The following PEX14 variants were observed in gnomAD, a reference collection of about 807,000 sequenced individuals.
The protein encoded by PEX14 is peroxisomal biogenesis factor 14.
A neutral mutation model predicts 49.5 loss-of-function variants in PEX14; 15 were observed. That is an observed-to-expected ratio of 0.30 (90% confidence interval 0.20 to 0.47). The LOEUF (loss-of-function observed/expected upper bound fraction) is 0.47, where lower values mean the gene tolerates loss of function less well. Ranked by LOEUF, PEX14 falls within the 20% of genes least tolerant of loss-of-function variation. PEX14 has a pLI of 1.00. For synonymous variants in PEX14, 210 were observed against 212.7 expected (o/e 0.99, Z 0.11); for missense variants, 398 against 494.8 (o/e 0.80, Z 1.86).
At chr1:10,611,219 C>T (rs561860789) in intron 4 of PEX14, among the ~76,000 whole-genome samples, 5 of 152,008 alleles carry the variant, frequency 3.3e-5, no homozygotes, top group East Asian at 1.9e-4. Context: ...GCTGAGATTG[C>T]GCCACTGCAC....
At position 10,514,156 on chromosome 1, in the gene PEX14, CTGTGTGTGTGTG is replaced by C. The variant is rs56306413; in HGVS notation, c.84+18867_84+18878del. ...AAAATGTATAAAATAATCTATGCCT[CTGTGTGTGTGTG>C]TGTGTGTGTGTGTGTGTGTGTGTGT... On this transcript the variant is annotated intron_variant, in intron 2 of 8. Transcript: ENST00000356607. The surrounding 1 kb of genome is among the most constrained non-coding windows in gnomAD (Gnocchi z 4.4). Among the ~76,000 whole-genome samples the C allele has an allele frequency of 6.1e-4, 88 of 143,262 alleles. No individual in the cohort carries two copies. Among genetic ancestry groups the C allele is most frequent in the South Asian group, 2.3e-3 (10 of 4,286 alleles). 94.0% of individuals were successfully genotyped at this position (143,262 alleles called of 152,430 possible). A position where few individuals can be genotyped will look rare whatever the true frequency, so the allele number is the denominator to read the frequency against.
chr1:10,558,167 A>T (rs1381618230), intron 3 of PEX14, among the ~76,000 whole-genome samples: 1 of 152,076 alleles, frequency 6.6e-6, no homozygotes, highest in Non-Finnish European at 1.5e-5. Flanking sequence ...TTGTACAAAA[A>T]TATAAAAATT....
At chr1:10,571,584 G>A (rs969838481) in intron 3 of PEX14, among the ~76,000 whole-genome samples, 7 of 152,174 alleles carry the variant, frequency 4.6e-5, no homozygotes, top group Non-Finnish European at 7.4e-5. Context: ...CGAGGCGGGC[G>A]GATCACTTGA....
intron 3 of PEX14, among the ~76,000 whole-genome samples, chr1:10,563,613 G>A (rs1008762761): frequency 1.3e-4 from 19 of 148,240 alleles, no homozygotes; most frequent in Admixed American, 6.1e-4. Context: ...CAACAAGAGC[G>A]AAACTCCGTC....
At chr1:10,590,205 A>C (rs937778998) in intron 3 of PEX14, among the ~76,000 whole-genome samples, 11 of 152,160 alleles carry the variant, frequency 7.2e-5, no homozygotes, top group South Asian at 2.1e-4. Context: ...GTGAGCCTGC[A>C]AACAGAACCG....
intron 3 of PEX14, among the ~76,000 whole-genome samples, chr1:10,587,803 C>G (rs1214788604): frequency 6.7e-6 from 1 of 149,922 alleles, no homozygotes. Context: ...TCCAAGATAA[C>G]CTAATTAAAA....
intron 3 of PEX14, among the ~76,000 whole-genome samples, chr1:10,590,932 A>G (rs1184307103): frequency 2.6e-5 from 4 of 152,208 alleles, no homozygotes; most frequent in African/African-American, 9.7e-5. Context: ...GAAAACCCCA[A>G]AGGAACATTT....
At chr1:10,588,357 A>G (rs1640563408) in intron 3 of PEX14, among the ~76,000 whole-genome samples, 1 of 152,070 alleles carries the variant, frequency 6.6e-6, no homozygotes, top group East Asian at 1.9e-4. Context: ...TATGCTTTTT[A>G]TATAAGAAGC....
intron 2 of PEX14, among the ~76,000 whole-genome samples, chr1:10,507,804 G>T (rs914208815): frequency 6.6e-6 from 1 of 152,164 alleles, no homozygotes; most frequent in East Asian, 1.9e-4. Context: ...GCCCCCTCAG[G>T]TAAATCCTTT....
At chr1:10,481,477 T>C (rs1641282755) in intron 1 of PEX14, among the ~76,000 whole-genome samples, 1 of 152,118 alleles carries the variant, frequency 6.6e-6, no homozygotes, top group South Asian at 2.1e-4. Flanking sequence ...GGTCTTACTC[T>C]GTCACCCAGT....
rs895622774 is a variant in PEX14, at chr1:10,529,388, C to T, written c.85-6825C>T. On this transcript the variant is annotated intron_variant, in intron 2 of 8. Transcript: ENST00000356607. This position sits in a 1 kb window ranked among gnomAD's most constrained non-coding sequence, Gnocchi z 4.2. ...GGCACCCAGAGTCCTCGGCTGGACA[C>T]GGACACCTCTCCAAAGTCACCCTTA... Among the ~76,000 whole-genome samples the T allele has an allele frequency of 5.3e-5, 8 of 152,356 alleles. No individual in the cohort carries two copies. The East Asian group carries it at 5.8e-4, about 11-fold the overall frequency.
chr1:10,537,940 G>T (rs1416301123), intron 3 of PEX14, among the ~76,000 whole-genome samples: 1 of 151,148 alleles, frequency 6.6e-6, no homozygotes, highest in African/African-American at 2.4e-5. Flanking sequence ...AAAACTTTTT[G>T]TGCAATTATG....
chr1:10,556,137 C>T (rs1161844536), intron 3 of PEX14, among the ~76,000 whole-genome samples: 1 of 152,080 alleles, frequency 6.6e-6, no homozygotes, highest in Admixed American at 6.6e-5. Flanking sequence ...AGCAGGGCTC[C>T]TCCTCTGCTG....
intron 4 of PEX14, among the ~76,000 whole-genome samples, chr1:10,606,922 A>G (rs1641142882): frequency 1.3e-5 from 2 of 152,212 alleles, no homozygotes; most frequent in Non-Finnish European, 2.9e-5. Flanking sequence ...TAATTGTACA[A>G]TTTGAGTTTT....
chr1:10,484,188 C>T lies in PEX14; in HGVS notation c.36+9186C>T, dbSNP rs959475554. The stretch of plus-strand genomic sequence containing the variant: ...GATTACAGGCGCCCACCACCATGGC[C>T]GGCTAATTGGCTAATTTTTTTGAAT... On this transcript the variant is annotated intron_variant, in intron 1 of 8. Coordinates refer to ENST00000356607, the MANE Select transcript of PEX14 (RefSeq NM_004565.3). Among the ~76,000 whole-genome samples, 11 of 151,330 alleles carry T rather than the reference C, an allele frequency of 7.3e-5. No individual in the cohort carries two copies. The East Asian group carries it at 1.2e-3, about 16-fold the overall frequency.
At chr1:10,607,615 G>A (rs959891659) in intron 4 of PEX14, among the ~76,000 whole-genome samples, 10 of 152,068 alleles carry the variant, frequency 6.6e-5, no homozygotes, top group African/African-American at 2.4e-4. Flanking sequence ...GGTGGTTTGG[G>A]TTTATATTTC....
At chr1:10,601,460 C>T (rs982509395) in intron 4 of PEX14, among the ~76,000 whole-genome samples, 4 of 152,128 alleles carry the variant, frequency 2.6e-5, no homozygotes, top group South Asian at 2.1e-4. Flanking sequence ...TTCTCTTCTC[C>T]GGACTTGCTG....
intron 2 of PEX14, among the ~76,000 whole-genome samples, chr1:10,519,497 C>T (rs752088242): frequency 1.3e-4 from 20 of 152,158 alleles, no homozygotes; most frequent in Non-Finnish European, 2.4e-4. Flanking sequence ...GGGAATGGTG[C>T]GCTGGGTTAT....
chr1:10,560,718 C>CT (rs34964492), intron 3 of PEX14, among the ~76,000 whole-genome samples: 19,734 of 128,802 alleles, frequency 0.15, 2,064 homozygotes, highest in African/African-American at 0.25. Flanking sequence ...ATTTTGCCAC[C>CT]TTTTTTTTTT....
Sources: gnomAD v4.1 joint callset for allele counts (sites outside exome capture counted in the v4.1 genomes callset) on GRCh38, gnomAD v4.1.1 for gene constraint, Gnocchi (gnomAD v3.1) non-coding constraint, MANE v1.5 for transcripts, NCBI Gene and HGNC (gene_info 2026-07-23, HGNC 2026-07-21) for gene names.